The following ATP9B variants were observed in gnomAD, a reference collection of about 807,000 sequenced individuals.
The protein encoded by ATP9B is ATPase phospholipid transporting 9B.
Under a neutral mutation model 146.1 loss-of-function variants are expected in ATP9B, and 110 were observed. The ratio of observed to expected loss-of-function variants is 0.75; its 90% CI spans 0.65 to 0.88. ATP9B has a LOEUF of 0.88. ATP9B is among the 40% of genes least tolerant of loss of function. ATP9B has a pLI of 0.00. For synonymous variants in ATP9B, 604 were observed against 569.7 expected (o/e 1.06, Z -0.86); for missense variants, 1,499 against 1,496.4 (o/e 1.00, Z -0.03).
intron 10 of ATP9B, chr18:79,209,445 G>C: frequency 6.6e-6 from 1 of 152,276 alleles, no homozygotes; most frequent in East Asian, 1.9e-4. Flanking sequence ...TAGTACTGTT[G>C]ATTTGTGACC....
At chr18:79,374,162 T>A in intron 28 of ATP9B, 61 bp downstream of exon 28, 1 of 1,532,564 alleles carries the variant, frequency 6.5e-7, no homozygotes, top group Non-Finnish European at 8.9e-7. Context: ...AAGTATTTTC[T>A]TATTGTTGCT....
rs191502177 is a variant in ATP9B at position 79,319,932 on chromosome 18, T to C, written c.1774-9209T>C. The stretch of plus-strand genomic sequence containing the variant: ...GATTTGCATTTTATATGCAAATAAA[T>C]GGTTGAGAGGCACACTAGTAACTTC... On this transcript the variant is annotated intron_variant, in intron 15 of 29. Coordinates refer to ENST00000426216, the MANE Select transcript of ATP9B (RefSeq NM_198531.5). 5.9e-5 allele frequency among the ~76,000 whole-genome samples: 9 copies of C among 152,246 alleles called. 1 individual carries two copies. The East Asian group carries it at 1.7e-3, about 29-fold the overall frequency.
At chr18:79,286,319 G>A (rs1786039619) in intron 13 of ATP9B, among the ~76,000 whole-genome samples, 1 of 152,006 alleles carries the variant, frequency 6.6e-6, no homozygotes, top group African/African-American at 2.4e-5. Flanking sequence ...AGTTCTCCTT[G>A]AAGAAGTCCT....
chr18:79,110,700 CAT>C (rs1278721363), intron 3 of ATP9B, among the ~76,000 whole-genome samples, 195 bp downstream of exon 3: 1 of 152,160 alleles, frequency 6.6e-6, no homozygotes, highest in Non-Finnish European at 1.5e-5. Flanking sequence ...ATGGCTACAT[CAT>C]AGAGTTCAGC....
chr18:79,168,112 G>A (rs997161313), intron 7 of ATP9B, among the ~76,000 whole-genome samples: 1 of 152,136 alleles, frequency 6.6e-6, no homozygotes, highest in South Asian at 2.1e-4. Context: ...TGCAGTCTTC[G>A]CAGCCGCCAC....
intron 11 of ATP9B, among the ~76,000 whole-genome samples, chr18:79,224,647 A>C (rs2095711812): frequency 6.6e-6 from 1 of 152,218 alleles, no homozygotes; most frequent in African/African-American, 2.4e-5. Context: ...GCCAGCAGCC[A>C]GCTAGCAGGG....
chr18:79,200,153 C>T (rs150195072), intron 9 of ATP9B, among the ~76,000 whole-genome samples: 38 of 152,298 alleles, frequency 2.5e-4, no homozygotes, highest in African/African-American at 7.7e-4. Context: ...ACCACAAACA[C>T]GTGAGTAATG....
In ATP9B at chr18:79,229,277, G is replaced by T. The variant is rs2095766196; in HGVS notation, c.1107+15239G>T. Reference sequence around the variant, plus strand: ...ATCAAATATAACGGTACCACATAAGGTTCATTAACCTGTGGAAATGAGCAG... The same window carrying T: ...ATCAAATATAACGGTACCACATAAGTTTCATTAACCTGTGGAAATGAGCAG... On this transcript the variant is annotated intron_variant, in intron 11 of 29. Coordinates refer to ENST00000426216, the MANE Select transcript of ATP9B (RefSeq NM_198531.5). Among the ~76,000 whole-genome samples the T allele has an allele frequency of 3.9e-5, 6 of 152,104 alleles. No homozygotes were observed. The South Asian group carries it at 1.2e-3, about 32-fold the overall frequency.
chr18:79,372,625 G>T (rs1302236485), intron 26 of ATP9B, 200 bp from the exon 27 acceptor site: 1 of 671,000 alleles, frequency 1.5e-6, no homozygotes. Flanking sequence ...CAGTGGACAC[G>T]TGTGGGACCC....
chr18:79,322,666 C>T (rs1235622353), intron 15 of ATP9B, among the ~76,000 whole-genome samples: 1 of 152,202 alleles, frequency 6.6e-6, no homozygotes, highest in African/African-American at 2.4e-5. Flanking sequence ...GGATTTGCTC[C>T]TATTTGTGTA....
intron 11 of ATP9B, among the ~76,000 whole-genome samples, chr18:79,250,446 CT>C (rs200270697): frequency 6.6e-6 from 1 of 152,110 alleles, no homozygotes; most frequent in Non-Finnish European, 1.5e-5. Flanking sequence ...GTAATTGAGT[CT>C]TTTTTCCCTG....
At chr18:79,181,387 A>G (rs1568347583) in intron 8 of ATP9B, among the ~76,000 whole-genome samples, 1 of 152,248 alleles carries the variant, frequency 6.6e-6, no homozygotes, top group East Asian at 1.9e-4. Context: ...GTTTTTATCC[A>G]GTTTCAAGAT....
In ATP9B at chr18:79,304,278, G is replaced by A. The variant is rs112763513; in HGVS notation, c.1524+562G>A. Among the ~76,000 whole-genome samples the A allele has an allele frequency of 6.5e-3, 996 of 152,084 alleles. 5 individuals are homozygous for A. The highest frequency in any genetic ancestry group is 0.022 in the African/African-American group (932 of 41,480). ...TTTCATCTGTAAATATGTATTATGT[G>A]CCCCTAATTGATAAGGACTCTGCCT... On this transcript the variant is annotated intron_variant, in intron 14 of 29. Coordinates refer to ENST00000426216, the MANE Select transcript of ATP9B (RefSeq NM_198531.5).
chr18:79,163,452 A>G (rs2094913613), intron 7 of ATP9B, among the ~76,000 whole-genome samples: 1 of 152,204 alleles, frequency 6.6e-6, no homozygotes, highest in Admixed American at 6.5e-5. Flanking sequence ...TATGTAATAG[A>G]AAATCTAGAG....
chr18:79,088,524 C>T (rs2074039892), intron 1 of ATP9B, among the ~76,000 whole-genome samples: 1 of 152,082 alleles, frequency 6.6e-6, no homozygotes, highest in Admixed American at 6.6e-5. Context: ...TGAGGTTGTT[C>T]TGTGATGCTG....
In ATP9B at chr18:79,239,076, C is replaced by G. The variant is rs1213119414; in HGVS notation, c.1108-14305C>G. ...CAAGGAGAGCCTCCAGCCACTGAGCCCCAACCCCCAGTCATCAAAACAACG... is the reference window on the plus strand; with the variant it reads ...CAAGGAGAGCCTCCAGCCACTGAGCGCCAACCCCCAGTCATCAAAACAACG... On this transcript the variant is annotated intron_variant, in intron 11 of 29. Coordinates refer to ENST00000426216, the MANE Select transcript of ATP9B (RefSeq NM_198531.5). The surrounding 1 kb of genome is among the most constrained non-coding windows in gnomAD (Gnocchi z 5.1). Among the ~76,000 whole-genome samples, 1 of 152,130 alleles carries G rather than the reference C, an allele frequency of 6.6e-6. No individual in the cohort carries two copies.
chr18:79,329,967 C>T (rs1458490047), intron 16 of ATP9B, 45 bp from the exon 17 acceptor site: 1 of 1,543,170 alleles, frequency 6.5e-7, no homozygotes, highest in South Asian at 1.1e-5. Context: ...TTGCCCCGAG[C>T]AATGCAGCCT....
chr18:79,327,427 G>C (rs2096753720), intron 15 of ATP9B, among the ~76,000 whole-genome samples: 1 of 152,332 alleles, frequency 6.6e-6, no homozygotes, highest in African/African-American at 2.4e-5. Flanking sequence ...GTTGCAGAGA[G>C]CGTGCTCTCC....
At chr18:79,238,148 T>C (rs140637321) in intron 11 of ATP9B, among the ~76,000 whole-genome samples, 35 of 152,380 alleles carry the variant, frequency 2.3e-4, no homozygotes, top group African/African-American at 7.9e-4. Flanking sequence ...AATAAAAATG[T>C]TGAGTTCATA....
Sources: gnomAD v4.1 joint callset for allele counts (sites outside exome capture counted in the v4.1 genomes callset) on GRCh38, gnomAD v4.1.1 for gene constraint, Gnocchi (gnomAD v3.1) non-coding constraint, MANE v1.5 for transcripts, NCBI Gene and HGNC (gene_info 2026-07-23, HGNC 2026-07-21) for gene names.